The following GPC5 variants were observed in gnomAD, a reference collection of about 807,000 sequenced individuals.
The protein encoded by GPC5 is glypican 5.
Under a neutral mutation model 53.9 loss-of-function variants are expected in GPC5, and 47 were observed. The observed-to-expected ratio is 0.87, with a 90% CI of 0.69 to 1.11. The LOEUF (loss-of-function observed/expected upper bound fraction) is 1.11. Among genes scored for constraint, GPC5 ranks in the 50% most tolerant of loss-of-function variants. The pLI, the probability that GPC5 is intolerant of heterozygous loss-of-function variation, is 0.00. For missense variants in GPC5, 748 were observed against 713.1 expected, an observed-to-expected ratio of 1.05 and a Z score of -0.56; for synonymous variants, 286 against 263.3, an observed-to-expected ratio of 1.09 and a Z score of -0.84.
chr13:92,029,807 G>C (rs1029809084), intron 6 of GPC5, among the ~76,000 whole-genome samples: 11 of 152,140 alleles, frequency 7.2e-5, no homozygotes, highest in Admixed American at 6.5e-4. Context: ...TCAAACATCA[G>C]CTTGATGTTT....
Position 92,127,825 on chromosome 13 carries a change from C to CT in GPC5, c.1402-16997dup, listed in dbSNP as rs557625291. Among the ~76,000 whole-genome samples the CT allele has an allele frequency of 2.4e-3, 368 of 152,062 alleles. 6 individuals are homozygous for CT. Among genetic ancestry groups the CT allele is most frequent in the Non-Finnish European group, 9.3e-4 (63 of 67,952 alleles). On this transcript the variant is annotated intron_variant, in intron 6 of 7. Transcript: ENST00000377067. ...AATGAATTATTCATGTGAAAATTAA[C>CT]TTTTTTTTGTATTTTCAAAGAAAAA... is the stretch of plus-strand genomic sequence containing the variant.
intron 2 of GPC5, among the ~76,000 whole-genome samples, chr13:91,494,039 A>AT (rs201082143): frequency 0.085 from 12,886 of 151,218 alleles, 596 homozygotes; most frequent in African/African-American, 0.13. Context: ...ACACCCGGCT[A>AT]ATTTTTTTTT....
chr13:92,233,683 G>A (rs1433077195), intron 7 of GPC5, among the ~76,000 whole-genome samples: 1 of 151,964 alleles, frequency 6.6e-6, no homozygotes. Context: ...TATACTTTAA[G>A]TTTTAGGGTA....
chr13:91,575,267 CTTAAA>C (rs2032090192), intron 2 of GPC5, among the ~76,000 whole-genome samples: 1 of 152,002 alleles, frequency 6.6e-6, no homozygotes, highest in Non-Finnish European at 1.5e-5. Flanking sequence ...GGAACAAAGT[CTTAAA>C]TTATAGTATA....
chr13:92,030,341 T>A (rs1195922757), intron 6 of GPC5, among the ~76,000 whole-genome samples: 1 of 152,164 alleles, frequency 6.6e-6, no homozygotes, highest in Non-Finnish European at 1.5e-5. Context: ...AGTTCTGTTA[T>A]GTTCTCCACC....
chr13:91,855,181 C>T (rs1034641217), intron 5 of GPC5, among the ~76,000 whole-genome samples: 7 of 151,510 alleles, frequency 4.6e-5, no homozygotes, highest in Non-Finnish European at 7.4e-5. Context: ...AGATGTTGAC[C>T]GACTTTACCT....
At chr13:91,697,570 A>G (rs915117936) in intron 3 of GPC5, among the ~76,000 whole-genome samples, 1 of 152,208 alleles carries the variant, frequency 6.6e-6, no homozygotes, top group African/African-American at 2.4e-5. Flanking sequence ...GAAAAAATTG[A>G]TATTTTCAGA....
At chr13:92,102,358 C>T (rs532588777) in intron 6 of GPC5, among the ~76,000 whole-genome samples, 7 of 152,210 alleles carry the variant, frequency 4.6e-5, no homozygotes, top group Non-Finnish European at 7.4e-5. Context: ...ACTTTCTTAG[C>T]GTAGTCTTAG....
chr13:91,552,744 C>T (rs1349596623), intron 2 of GPC5, among the ~76,000 whole-genome samples: 3 of 152,060 alleles, frequency 2.0e-5, no homozygotes, highest in African/African-American at 4.8e-5. Context: ...GCCCTCATTC[C>T]CTTAAACCCA....
intron 7 of GPC5, among the ~76,000 whole-genome samples, chr13:92,384,429 T>G (rs2043775680): frequency 6.6e-6 from 1 of 152,082 alleles, no homozygotes; most frequent in Non-Finnish European, 1.5e-5. Flanking sequence ...AAAAATCAAA[T>G]TATTTTAGTT....
At chr13:92,806,139 T>G (rs1877092106) in intron 7 of GPC5, among the ~76,000 whole-genome samples, 1 of 152,124 alleles carries the variant, frequency 6.6e-6, no homozygotes, top group African/African-American at 2.4e-5. Context: ...CTAGATAACT[T>G]GCTGCAGCTT....
At chr13:92,663,903 T>TACAC (rs1156502271) in intron 7 of GPC5, among the ~76,000 whole-genome samples, 40 of 83,180 alleles carry the variant, frequency 4.8e-4, no homozygotes, top group African/African-American at 1.9e-3. Context: ...TATATATATA[T>TACAC]ACACACACAC....
At chr13:92,517,065 G>A (rs1002869767) in intron 7 of GPC5, among the ~76,000 whole-genome samples, 3 of 152,052 alleles carry the variant, frequency 2.0e-5, no homozygotes, top group African/African-American at 4.8e-5. Context: ...CCACACCCAC[G>A]GAGCCTCAAT....
chr13:92,022,629 G>A (rs1179764388), intron 6 of GPC5, among the ~76,000 whole-genome samples: 1 of 151,822 alleles, frequency 6.6e-6, no homozygotes, highest in African/African-American at 2.4e-5. Context: ...AGGACCTGTA[G>A]TTACTTTTAA....
chr13:91,658,603 C>T (rs1158973799), intron 2 of GPC5, among the ~76,000 whole-genome samples: 8 of 152,116 alleles, frequency 5.3e-5, no homozygotes, highest in Non-Finnish European at 8.8e-5. Context: ...ATTATTGCAT[C>T]TGAATCATGT....
chr13:92,415,565 G>C (rs1297449630), intron 7 of GPC5, among the ~76,000 whole-genome samples: 1 of 152,054 alleles, frequency 6.6e-6, no homozygotes, highest in Admixed American at 6.6e-5. Context: ...ATTATGAGTA[G>C]CATCCTGCAA....
chr13:91,576,532 T>C (rs1399789564), intron 2 of GPC5, among the ~76,000 whole-genome samples: 1 of 152,140 alleles, frequency 6.6e-6, no homozygotes, highest in Non-Finnish European at 1.5e-5. Flanking sequence ...GTACCCAGTG[T>C]TGAAGTGTTT....
rs571389064 is a variant in GPC5 at position 92,699,626 on chromosome 13, T to C, written c.1562-166656T>C. Among the ~76,000 whole-genome samples, 146 of 152,356 alleles carry C rather than the reference T, an allele frequency of 9.6e-4. 1 individual carries two copies. Among genetic ancestry groups the C allele is most frequent in the African/African-American group, 3.3e-3 (136 of 41,590 alleles). ...GTGTCCCAAAGATTGTGGTACGTTG[T>C]GTCTTTGTTCTTGTTGGTCTCAAAG... On this transcript the variant is annotated intron_variant, in intron 7 of 7. Transcript: ENST00000377067.
chr13:91,730,378 G>A lies in GPC5; in HGVS notation c.1154+1713G>A, dbSNP rs9589348. ...GATGCTGAGTCTGGGCTACCTTCTC[G>A]TGTGCCTTGTTCTTTCTCTACCGCT... On this transcript the variant is annotated intron_variant, in intron 4 of 7. Coordinates refer to ENST00000377067, the MANE Select transcript of GPC5 (RefSeq NM_004466.6). 2.9e-3 allele frequency among the ~76,000 whole-genome samples: 435 copies of A among 152,190 alleles called. 1 individual carries two copies. The highest frequency in any genetic ancestry group is 9.9e-3 in the African/African-American group (412 of 41,530).
Sources: allele counts gnomAD v4.1 joint callset (sites outside exome capture counted in the v4.1 genomes callset), GRCh38; gene constraint gnomAD v4.1.1; transcripts MANE v1.5; gene names NCBI Gene and HGNC (gene_info 2026-07-23, HGNC 2026-07-21).